SOX5: variants seen among roughly 807,000 people sequenced by gnomAD.
SOX5 encodes the protein transcription factor SOX-5.
SOX5 carries 9 observed loss-of-function variants against 92.0 expected under a neutral mutation model. The ratio of observed to expected loss-of-function variants is 0.10; its 90% CI spans 0.06 to 0.17. SOX5 has a LOEUF of 0.17. SOX5 is among the 10% of genes least tolerant of loss of function. The pLI, the probability that SOX5 is intolerant of heterozygous loss-of-function variation, is 1.00. For synonymous variants in SOX5, 344 were observed against 336.3 expected (o/e 1.02, Z -0.25); for missense variants, 642 against 944.5 (o/e 0.68, Z 4.20).
chr12:24,331,577 T>G (rs1810065), intron 2 of SOX5, among the ~76,000 whole-genome samples: 1 of 151,768 alleles, frequency 6.6e-6, no homozygotes, highest in Admixed American at 6.6e-5. Context: ...AGGCCGGGCG[T>G]GGTGGCTCAC....
At chr12:24,015,414 A>C (rs1953479199) in intron 4 of SOX5, among the ~76,000 whole-genome samples, 1 of 152,132 alleles carries the variant, frequency 6.6e-6, no homozygotes, top group South Asian at 2.1e-4. Flanking sequence ...TCCTCCTCCT[A>C]AGAACCATTT....
intron 4 of SOX5, among the ~76,000 whole-genome samples, chr12:23,997,182 G>A (rs1951110242): frequency 6.6e-6 from 1 of 152,152 alleles, no homozygotes; most frequent in African/African-American, 2.4e-5. Context: ...ATAAGAGTCT[G>A]TGGCATTGCA....
At chr12:23,995,169 A>C (rs1041787747) in intron 4 of SOX5, among the ~76,000 whole-genome samples, 1 of 152,200 alleles carries the variant, frequency 6.6e-6, no homozygotes, top group Non-Finnish European at 1.5e-5. Context: ...CAAATTTGAC[A>C]ACAATTAGTG....
At chr12:24,409,810 G>A (rs1274259767) in intron 1 of SOX5, among the ~76,000 whole-genome samples, 1 of 152,096 alleles carries the variant, frequency 6.6e-6, no homozygotes, top group African/African-American at 2.4e-5. Context: ...CCCAAGAAAT[G>A]TTTCTTCAGG....
At chr12:24,196,519 G>A (rs558919161) in intron 4 of SOX5, among the ~76,000 whole-genome samples, 1 of 152,230 alleles carries the variant, frequency 6.6e-6, no homozygotes, top group Non-Finnish European at 1.5e-5. Context: ...TTAAGGGGGG[G>A]TCAACCAGAT....
At chr12:23,651,515 C>A (rs2081560050) in intron 7 of SOX5, among the ~76,000 whole-genome samples, 1 of 151,986 alleles carries the variant, frequency 6.6e-6, no homozygotes, top group Admixed American at 6.6e-5. Context: ...GAACACAAAG[C>A]ACTAAAAGGT....
At chr12:23,716,929 A>G (rs556766946) in intron 6 of SOX5, among the ~76,000 whole-genome samples, 42 of 152,270 alleles carry the variant, frequency 2.8e-4, no homozygotes, top group African/African-American at 9.9e-4. Flanking sequence ...GTACCCTTAA[A>G]GATACAGCCA....
At chr12:24,453,448 C>A (rs1381724909) in intron 1 of SOX5, among the ~76,000 whole-genome samples, 3 of 152,114 alleles carry the variant, frequency 2.0e-5, no homozygotes. Flanking sequence ...CTACACCAAC[C>A]ATTGAGCTTG....
chr12:23,589,732 A>G (rs1371055158), intron 9 of SOX5, among the ~76,000 whole-genome samples: 1 of 151,070 alleles, frequency 6.6e-6, no homozygotes, highest in Non-Finnish European at 1.5e-5. Context: ...GTCGTTTTGT[A>G]TAAATAACAT....
intron 1 of SOX5, among the ~76,000 whole-genome samples, chr12:24,505,858 T>TGTGTGCGCGCGC (rs1948680901): frequency 1.4e-5 from 1 of 71,136 alleles, no homozygotes; most frequent in East Asian, 4.9e-4. Flanking sequence ...TGTGTGCGTG[T>TGTGTGCGCGCGC]GTGTGTGTGT....
chr12:24,025,348 C>T (rs1474796096), intron 4 of SOX5, among the ~76,000 whole-genome samples: 1 of 152,014 alleles, frequency 6.6e-6, no homozygotes, highest in Non-Finnish European at 1.5e-5. Flanking sequence ...TTTCTCTAAA[C>T]TCATGCAAAA....
chr12:23,704,715 TACAC>T (rs1373526853), intron 6 of SOX5, among the ~76,000 whole-genome samples: 8 of 108,364 alleles, frequency 7.4e-5, no homozygotes, highest in Admixed American at 1.7e-4. Flanking sequence ...TATATATATA[TACAC>T]ACACACACAC....
chr12:23,741,323 G>A (rs761049400), intron 4 of SOX5, among the ~76,000 whole-genome samples: 1 of 152,074 alleles, frequency 6.6e-6, no homozygotes, highest in South Asian at 2.1e-4. Context: ...TTACACTTAT[G>A]ACCAGTAATA....
At chr12:23,999,084 G>C (rs542805679) in intron 4 of SOX5, among the ~76,000 whole-genome samples, 1 of 151,126 alleles carries the variant, frequency 6.6e-6, no homozygotes, top group African/African-American at 2.4e-5. Flanking sequence ...GAAATAAAAA[G>C]GCCAGAAGCA....
At chr12:24,475,518 C>T (rs1945270179) in intron 1 of SOX5, among the ~76,000 whole-genome samples, 1 of 152,238 alleles carries the variant, frequency 6.6e-6, no homozygotes, top group Non-Finnish European at 1.5e-5. Context: ...ACACTCTGAA[C>T]TGTGAGGACC....
intron 1 of SOX5, among the ~76,000 whole-genome samples, chr12:24,499,923 A>G (rs923743141): frequency 7.9e-5 from 12 of 152,284 alleles, no homozygotes; most frequent in African/African-American, 2.9e-4. Flanking sequence ...GCCCTTTGCA[A>G]AATAAACACA....
intron 13 of SOX5, 113 bp from the exon 14 acceptor site, chr12:23,536,782 A>T (rs1202786901): frequency 1.3e-6 from 1 of 789,372 alleles, no homozygotes; most frequent in African/African-American, 1.7e-5. Flanking sequence ...AAACCCAGAA[A>T]TACATAAACC....
At chr12:24,505,480 C>T (rs11047479) in intron 1 of SOX5, among the ~76,000 whole-genome samples, 26,611 of 152,042 alleles carry the variant, frequency 0.18, 2,418 homozygotes, top group Non-Finnish European at 0.2. Flanking sequence ...GCTTTTCATA[C>T]GGAACTTCTT....
At chr12:24,408,983 C>T (rs1356518378) in intron 1 of SOX5, among the ~76,000 whole-genome samples, 2 of 152,092 alleles carry the variant, frequency 1.3e-5, no homozygotes, top group Non-Finnish European at 2.9e-5. Flanking sequence ...TGGGTATATA[C>T]CCCCAAAATA....
Sources: gnomAD v4.1 joint callset for allele counts (sites outside exome capture counted in the v4.1 genomes callset) on GRCh38, gnomAD v4.1.1 for gene constraint, MANE v1.5 for transcripts, NCBI Gene and HGNC (gene_info 2026-07-23, HGNC 2026-07-21) for gene names.